CDH18: variants seen among roughly 807,000 people sequenced by gnomAD.
The protein encoded by CDH18 is cadherin 18, also known as cadherin-18.
CDH18 carries 31 observed loss-of-function variants against 67.9 expected under a neutral mutation model. That is an observed-to-expected ratio of 0.46 (90% CI 0.34 to 0.62). The LOEUF is 0.62. Among genes scored for constraint, CDH18 ranks in the 20% least tolerant of loss-of-function variants. The probability of loss-of-function intolerance (pLI) is 0.01; values close to 1 mark genes in which losing one functional copy is unlikely to be tolerated. For missense variants in CDH18, 890 were observed against 975.5 expected, an observed-to-expected ratio of 0.91 and a Z score of 1.17; for synonymous variants, 362 against 347.2, an observed-to-expected ratio of 1.04 and a Z score of -0.48.
intron 2 of CDH18, among the ~76,000 whole-genome samples, chr5:19,921,285 A>G (rs1188648455): frequency 6.6e-6 from 1 of 152,210 alleles, no homozygotes; most frequent in Non-Finnish European, 1.5e-5. Context: ...TAATCCCAGC[A>G]CTTTGGGAGG....
At chr5:20,233,992 C>T (rs1186021271) in intron 2 of CDH18, among the ~76,000 whole-genome samples, 3 of 152,066 alleles carry the variant, frequency 2.0e-5, no homozygotes, top group Non-Finnish European at 2.9e-5. Flanking sequence ...CTTTTAGTCT[C>T]TCTCTCTGTT....
chr5:20,494,818 G>A (rs1056575386), intron 1 of CDH18, among the ~76,000 whole-genome samples: 10 of 152,038 alleles, frequency 6.6e-5, no homozygotes, highest in African/African-American at 1.7e-4. Context: ...AGAAAAAGTC[G>A]GTTATTACCA....
intron 5 of CDH18, among the ~76,000 whole-genome samples, chr5:19,678,295 T>C (rs1580828166): frequency 6.8e-6 from 1 of 147,122 alleles, no homozygotes. Context: ...CGGACAACAG[T>C]GCAATAGAAG....
chr5:19,581,312 C>T (rs1343916636), intron 7 of CDH18, among the ~76,000 whole-genome samples: 1 of 151,880 alleles, frequency 6.6e-6, no homozygotes, highest in Non-Finnish European at 1.5e-5. Context: ...TAAAGTAGTA[C>T]TTTCTCCTCT....
chr5:19,979,716 A>C (rs1420906603), intron 2 of CDH18, among the ~76,000 whole-genome samples: 1 of 152,226 alleles, frequency 6.6e-6, no homozygotes, highest in Non-Finnish European at 1.5e-5. Context: ...GTTGACTAAT[A>C]AAATACATAG....
intron 2 of CDH18, among the ~76,000 whole-genome samples, chr5:19,865,670 G>A (rs1398955392): frequency 6.6e-6 from 1 of 151,996 alleles, no homozygotes; most frequent in Non-Finnish European, 1.5e-5. Flanking sequence ...CTACTTCTTT[G>A]CCCCTTTCAG....
intron 1 of CDH18, among the ~76,000 whole-genome samples, chr5:20,282,765 T>C (rs1312916184): frequency 2.0e-5 from 3 of 152,048 alleles, no homozygotes; most frequent in Non-Finnish European, 4.4e-5. Context: ...CTTTGTCTAT[T>C]GATAGAAATA....
At chr5:19,932,752 A>T (rs1446023327) in intron 2 of CDH18, among the ~76,000 whole-genome samples, 4 of 151,488 alleles carry the variant, frequency 2.6e-5, no homozygotes, top group Non-Finnish European at 3.0e-5. Flanking sequence ...TCTTCATCCC[A>T]TGCCTAATTA....
chr5:19,797,265 T>C (rs563695787), intron 3 of CDH18, among the ~76,000 whole-genome samples: 87 of 152,026 alleles, frequency 5.7e-4, no homozygotes, highest in African/African-American at 2.0e-3. Context: ...AAAATACAAT[T>C]TGGAGCAAGG....
intron 2 of CDH18, among the ~76,000 whole-genome samples, chr5:20,076,155 T>C (rs1743913196): frequency 6.6e-6 from 1 of 152,174 alleles, no homozygotes; most frequent in Non-Finnish European, 1.5e-5. Context: ...AATTTATTTT[T>C]CCATGTTGTT....
intron 5 of CDH18, among the ~76,000 whole-genome samples, chr5:19,633,872 T>A (rs1027749689): frequency 3.3e-5 from 5 of 152,172 alleles, no homozygotes; most frequent in African/African-American, 1.2e-4. Flanking sequence ...GCTCAAGGGA[T>A]CCACCCCTCT....
chr5:20,205,805 GA>G (rs1739832927), intron 2 of CDH18, among the ~76,000 whole-genome samples: 1 of 151,562 alleles, frequency 6.6e-6, no homozygotes, highest in Non-Finnish European at 1.5e-5. Flanking sequence ...TTAAACAATT[GA>G]AAATGTAAAT....
At chr5:20,011,037 T>C (rs752315800) in intron 2 of CDH18, among the ~76,000 whole-genome samples, 1 of 152,174 alleles carries the variant, frequency 6.6e-6, no homozygotes, top group Non-Finnish European at 1.5e-5. Flanking sequence ...GCCTCACAAA[T>C]AGCGTTTCAA....
At chr5:19,758,652 C>G (rs945591613) in intron 3 of CDH18, among the ~76,000 whole-genome samples, 2 of 152,226 alleles carry the variant, frequency 1.3e-5, no homozygotes, top group East Asian at 1.9e-4. Flanking sequence ...AATAGCCCCA[C>G]TAAGCATTGC....
intron 1 of CDH18, among the ~76,000 whole-genome samples, chr5:20,398,116 A>G (rs1252671025): frequency 6.6e-6 from 1 of 152,186 alleles, no homozygotes; most frequent in East Asian, 1.9e-4. Flanking sequence ...ATCTGAGTCT[A>G]TTTCATGAAT....
chr5:20,303,119 G>A (rs957114462), intron 1 of CDH18, among the ~76,000 whole-genome samples: 4 of 152,058 alleles, frequency 2.6e-5, no homozygotes, highest in East Asian at 1.9e-4. Flanking sequence ...AATTCACACG[G>A]CTCGTGTGTC....
chr5:19,584,793 C>CAAAAAAAAAAA (rs61297842), intron 7 of CDH18, among the ~76,000 whole-genome samples: 2,420 of 73,920 alleles, frequency 0.033, 1 homozygote, highest in Non-Finnish European at 0.039. Context: ...ACTAAAAATA[C>CAAAAAAAAAAA]AAAAAAAAAA....
chr5:20,260,259 A>C (rs892636917), intron 1 of CDH18, among the ~76,000 whole-genome samples: 1 of 151,540 alleles, frequency 6.6e-6, no homozygotes, highest in Non-Finnish European at 1.5e-5. Flanking sequence ...CTCATCTTCC[A>C]TTTTCCTATT....
At chr5:19,708,848 CCT>C (rs746629941) in intron 5 of CDH18, among the ~76,000 whole-genome samples, 5 of 152,016 alleles carry the variant, frequency 3.3e-5, no homozygotes, top group East Asian at 1.9e-4. Context: ...CTGTCAGCCC[CCT>C]GATTCCCACT....
Sources: allele counts gnomAD v4.1 joint callset (sites outside exome capture counted in the v4.1 genomes callset), GRCh38; gene constraint gnomAD v4.1.1; transcripts MANE v1.5; gene names NCBI Gene and HGNC (gene_info 2026-07-23, HGNC 2026-07-21).